PLXNA4: variants seen among roughly 807,000 people sequenced by gnomAD.
The protein encoded by PLXNA4 is plexin-A4.
A neutral mutation model predicts 191.8 loss-of-function variants in PLXNA4; 44 were observed. The ratio of observed to expected loss-of-function variants is 0.23; its 90% CI spans 0.18 to 0.29. The LOEUF (loss-of-function observed/expected upper bound fraction) is 0.29. Among genes scored for constraint, PLXNA4 ranks in the 10% least tolerant of loss-of-function variants. The probability of loss-of-function intolerance (pLI) is 1.00; values close to 1 mark genes in which losing one functional copy is unlikely to be tolerated. For synonymous variants in PLXNA4, 1,082 were observed against 1,009.5 expected (o/e 1.07, Z -1.36); for missense variants, 1,800 against 2,488.8 (o/e 0.72, Z 5.89).
At chr7:132,323,314 G>A (rs1014655316) in intron 3 of PLXNA4, among the ~76,000 whole-genome samples, 15 of 152,356 alleles carry the variant, frequency 9.8e-5, no homozygotes, top group African/African-American at 3.6e-4. Flanking sequence ...TGAAGTGCTA[G>A]CAGTAACAGC....
intron 1 of PLXNA4, among the ~76,000 whole-genome samples, chr7:132,529,607 C>CTTTTTTTTTT (rs35449894): frequency 2.9e-5 from 4 of 136,152 alleles, no homozygotes; most frequent in African/African-American, 1.1e-4. Flanking sequence ...AATAGGTATT[C>CTTTTTTTTTT]TTTTTTTTTT....
chr7:132,493,913 A>G (rs1249924953), intron 2 of PLXNA4, among the ~76,000 whole-genome samples: 2 of 152,202 alleles, frequency 1.3e-5, no homozygotes, highest in South Asian at 2.1e-4. Flanking sequence ...TGTGACCTTG[A>G]GAAAGTCACT....
chr7:132,130,609 T>C, intron 31 of PLXNA4, 35 bp from the exon 32 acceptor site: 4 of 1,613,552 alleles, frequency 2.5e-6, no homozygotes, highest in African/African-American at 1.3e-5. Flanking sequence ...GATTACTCAT[T>C]TGTGTGTACA....
intron 25 of PLXNA4, among the ~76,000 whole-genome samples, chr7:132,153,615 T>G (rs1186903200): frequency 2.0e-5 from 3 of 151,874 alleles, no homozygotes; most frequent in Non-Finnish European, 4.4e-5. Flanking sequence ...TAATTGGCAG[T>G]GGGAAGCTGA....
intron 3 of PLXNA4, among the ~76,000 whole-genome samples, chr7:132,329,994 G>A (rs548137054): frequency 4.6e-5 from 7 of 152,306 alleles, no homozygotes; most frequent in Middle Eastern, 3.4e-3. Flanking sequence ...CTTTAGAAGC[G>A]TGCTCTCCGT....
In PLXNA4 at chr7:132,179,751, C is replaced by T. The variant is rs575192455; in HGVS notation, c.3810G>A (p.Thr1270=). ...YKRKSRESDL[T]LKRLQMQMDN... is the part of the protein sequence containing the mutation. ...CCATCTGCATCTGCAGCCGCTTCAGCGTGAGGTCACTTTCGCGGGACTTGC... is the reference window on the plus strand; with the variant it reads ...CCATCTGCATCTGCAGCCGCTTCAGTGTGAGGTCACTTTCGCGGGACTTGC... The change falls in exon 20 of 32, where the codon ACG becomes ACA. Residue 1270 remains threonine, a synonymous_variant. Transcript: ENST00000321063. 8.1e-6 allele frequency: 13 copies of T among 1,614,170 alleles called. No individual in the cohort carries two copies. Among genetic ancestry groups the T allele is most frequent in the East Asian group, 4.5e-5 (2 of 44,854 alleles).
Position 132,178,845 on chromosome 7 carries a change from T to TACAC in PLXNA4, c.3874+838_3874+841dup, listed in dbSNP as rs56027205. Among the ~76,000 whole-genome samples the TACAC allele has an allele frequency of 3.3e-3, 272 of 83,540 alleles. 16 individuals are homozygous for TACAC. Among genetic ancestry groups the TACAC allele is most frequent in the African/African-American group, 6.2e-3 (93 of 14,882 alleles). 54.8% of individuals were successfully genotyped at this position (83,540 alleles called of 152,430 possible). On this transcript the variant is annotated intron_variant, in intron 20 of 31. Transcript: ENST00000321063. ...TGAAACACATACACATACACATATATACACACACACACACACACACACACA... is the reference window on the plus strand; with the variant it reads ...TGAAACACATACACATACACATATATACACACACACACACACACACACACACACA...
intron 2 of PLXNA4, among the ~76,000 whole-genome samples, chr7:132,620,243 G>A (rs1225592612): frequency 6.6e-6 from 1 of 152,150 alleles, no homozygotes; most frequent in Non-Finnish European, 1.5e-5. Flanking sequence ...GATTTCTGAG[G>A]TGACCCTGGA....
At chr7:132,315,691 G>T (rs1801917119) in intron 3 of PLXNA4, among the ~76,000 whole-genome samples, 1 of 152,190 alleles carries the variant, frequency 6.6e-6, no homozygotes, top group Non-Finnish European at 1.5e-5. Context: ...TGGCCATGGA[G>T]AGGAAGCAGT....
rs566909533 is a variant in PLXNA4 at position 132,413,331 on chromosome 7, C to T, written c.1371+75961G>A. ...GGGGTTTGCTTCACTGGCTGGGCCT[C>T]CTGTCTCCAGTAACTCCTGGAGTGA... On this transcript the variant is annotated intron_variant, in intron 3 of 31. Coordinates refer to ENST00000321063, the MANE Select transcript of PLXNA4 (RefSeq NM_020911.2). Among the ~76,000 whole-genome samples, 30 of 152,294 alleles carry T rather than the reference C, an allele frequency of 2.0e-4. No homozygotes were observed. The South Asian group carries it at 6.0e-3, about 31-fold the overall frequency.
At chr7:132,287,174 A>G (rs543199298) in intron 4 of PLXNA4, among the ~76,000 whole-genome samples, 2 of 152,162 alleles carry the variant, frequency 1.3e-5, no homozygotes, top group African/African-American at 2.4e-5. Context: ...AGCTGAGACT[A>G]TAGGCACGCA....
chr7:132,525,612 C>T (rs1217200653), intron 1 of PLXNA4, among the ~76,000 whole-genome samples: 1 of 152,134 alleles, frequency 6.6e-6, no homozygotes, highest in Non-Finnish European at 1.5e-5. Context: ...TTTACAGTTG[C>T]CAGTTCATGG....
chr7:132,496,558 C>T (rs11977891), intron 2 of PLXNA4, among the ~76,000 whole-genome samples: 2,560 of 152,232 alleles, frequency 0.017, 75 homozygotes, highest in African/African-American at 0.057. Flanking sequence ...CCTGCCACTA[C>T]ACCCAGCTAA....
chr7:132,309,393 G>A (rs1801642592), intron 3 of PLXNA4, among the ~76,000 whole-genome samples: 1 of 152,070 alleles, frequency 6.6e-6, no homozygotes, highest in African/African-American at 2.4e-5. Context: ...CAGTGGCTCT[G>A]CATGGTGTCA....
chr7:132,647,407 A>T (rs1488822101), intron 1 of PLXNA4, among the ~76,000 whole-genome samples: 1 of 152,120 alleles, frequency 6.6e-6, no homozygotes, highest in Admixed American at 6.5e-5. Context: ...TCAAGCACAC[A>T]CTGTCATACA....
intron 4 of PLXNA4, among the ~76,000 whole-genome samples, chr7:132,284,726 T>C (rs1800619844): frequency 6.6e-6 from 1 of 152,202 alleles, no homozygotes; most frequent in Non-Finnish European, 1.5e-5. Flanking sequence ...CTCCAGAGGA[T>C]ACATGAGTGA....
In PLXNA4 at chr7:132,464,186, A is replaced by G. The variant is rs556491203; in HGVS notation, c.1371+25106T>C. Among the ~76,000 whole-genome samples the G allele has an allele frequency of 2.0e-5, 3 of 152,322 alleles. No individual in the cohort carries two copies. In the South Asian group the frequency reaches 6.2e-4, roughly 32 times the overall value. On this transcript the variant is annotated intron_variant, in intron 3 of 31. Coordinates refer to ENST00000321063, the MANE Select transcript of PLXNA4 (RefSeq NM_020911.2). ...TGGTGCTGAGATGCGAAAAATAACA[A>G]TGGAAATCTGCTCTGGAAGAGTCCT...
chr7:132,207,600 G>A (rs986313191), intron 10 of PLXNA4, among the ~76,000 whole-genome samples: 1 of 152,298 alleles, frequency 6.6e-6, no homozygotes, highest in Non-Finnish European at 1.5e-5. Flanking sequence ...CCGCATAATG[G>A]GGTTGGAAAT....
At chr7:132,434,109 C>T (rs1294501240) in intron 3 of PLXNA4, among the ~76,000 whole-genome samples, 1 of 152,240 alleles carries the variant, frequency 6.6e-6, no homozygotes, top group African/African-American at 2.4e-5. Flanking sequence ...AGGACGCTTC[C>T]CGCCTTTGGT....
Sources: allele counts gnomAD v4.1 joint callset (sites outside exome capture counted in the v4.1 genomes callset), GRCh38; gene constraint gnomAD v4.1.1; transcripts MANE v1.5; gene names NCBI Gene and HGNC (gene_info 2026-07-23, HGNC 2026-07-21).